The following GRB14 variants were observed in gnomAD, a reference collection of about 807,000 sequenced individuals.
GRB14 encodes the protein growth factor receptor bound protein 14, also known as growth factor receptor-bound protein 14.
In GRB14, 38 loss-of-function variants were observed where a neutral mutation model predicts 69.1. The observed-to-expected ratio is 0.55, with a 90% confidence interval of 0.42 to 0.72. The LOEUF is 0.72. Ranked by LOEUF, GRB14 falls within the 30% of genes least tolerant of loss-of-function variation. The pLI is 0.00. For synonymous variants in GRB14, 247 were observed against 241.3 expected, an observed-to-expected ratio of 1.02 and a Z score of -0.22; for missense variants, 666 against 666.1, an observed-to-expected ratio of 1.00 and a Z score of 0.00.
intron 6 of GRB14, among the ~76,000 whole-genome samples, chr2:164,512,639 T>G (rs1687369716): frequency 6.6e-6 from 1 of 152,190 alleles, no homozygotes; most frequent in South Asian, 2.1e-4. Context: ...AGCCAGGTAG[T>G]GGTTCATGAA....
At chr2:164,494,802 C>A (rs568071041) in intron 12 of GRB14, among the ~76,000 whole-genome samples, 1 of 152,260 alleles carries the variant, frequency 6.6e-6, no homozygotes, top group South Asian at 2.1e-4. Context: ...ACTGTTATGT[C>A]TGCATCAACA....
intron 12 of GRB14, among the ~76,000 whole-genome samples, chr2:164,495,338 C>A (rs774288523): frequency 7.2e-5 from 11 of 151,932 alleles, no homozygotes; most frequent in Non-Finnish European, 1.5e-4. Context: ...AGAAAGAAAT[C>A]AATATATTGT....
intron 2 of GRB14, among the ~76,000 whole-genome samples, chr2:164,577,445 C>T (rs780912578): frequency 1.3e-5 from 2 of 152,170 alleles, no homozygotes; most frequent in African/African-American, 2.4e-5. Context: ...CTCATGAGAT[C>T]TGGTTGTTTG....
At chr2:164,494,079 AG>A (rs1446393327) in intron 13 of GRB14, among the ~76,000 whole-genome samples, 1 of 152,216 alleles carries the variant, frequency 6.6e-6, no homozygotes, top group Non-Finnish European at 1.5e-5. Flanking sequence ...AGAAGAGAGG[AG>A]AAAAGGCTTT....
At chr2:164,566,397 A>G (rs1232521427) in intron 2 of GRB14, among the ~76,000 whole-genome samples, 1 of 152,174 alleles carries the variant, frequency 6.6e-6, no homozygotes, top group Non-Finnish European at 1.5e-5. Flanking sequence ...GCTAAATTAT[A>G]TAAACACCAA....
At chr2:164,597,758 A>G (rs1392621792) in intron 2 of GRB14, among the ~76,000 whole-genome samples, 1 of 152,032 alleles carries the variant, frequency 6.6e-6, no homozygotes, top group Non-Finnish European at 1.5e-5. Context: ...GGGAGGAGAC[A>G]AGGAAAGAGA....
chr2:164,548,384 GTA>G (rs1273787997), intron 2 of GRB14, among the ~76,000 whole-genome samples: 1 of 152,122 alleles, frequency 6.6e-6, no homozygotes, highest in Non-Finnish European at 1.5e-5. Flanking sequence ...GTGTGTATCT[GTA>G]TGTGTGTGTG....
At chr2:164,532,267 A>C (rs1687961402) in intron 3 of GRB14, among the ~76,000 whole-genome samples, 1 of 152,204 alleles carries the variant, frequency 6.6e-6, no homozygotes, top group Admixed American at 6.5e-5. Context: ...AAATAATAGA[A>C]GAATAACCTG....
In GRB14 at chr2:164,494,558, A is replaced by AT. The variant is rs201485702; in HGVS notation, c.1383-35dup. ...AGAGAAGGAATTTCAATGTTTCTAT[A>AT]TTTACTCATGGATTTCATAGAACTA... On this transcript the variant is annotated intron_variant, in intron 12 of 13. Transcript: ENST00000263915. 8.1e-5 allele frequency: 86 copies of AT among 1,055,410 alleles called. 1 individual carries two copies. In the East Asian group the frequency reaches 1.8e-3, roughly 21 times the overall value. 65.4% of individuals were successfully genotyped at this position (1,055,410 alleles called of 1,614,324 possible).
chr2:164,521,771 C>G (rs1687639814), intron 6 of GRB14, among the ~76,000 whole-genome samples: 1 of 152,002 alleles, frequency 6.6e-6, no homozygotes, highest in Non-Finnish European at 1.5e-5. Context: ...ATAAGAGTAT[C>G]CAGACTCCAT....
In GRB14 at chr2:164,493,093, G is replaced by T. The variant is rs928966147; in HGVS notation, c.1566C>A (p.Leu522=). Residue 522 remains leucine, a synonymous_variant, in exon 14 of 14, where the codon CTC becomes CTA. Transcript: ENST00000263915. ...DLIQLVEFYQ[L]NKGVLPCKLK... is the part of the protein sequence containing the mutation. ...ACTTGCAAGGAAGAACGCCCTTATT[G>T]AGTTGATAGAACTCCACCAGCTGTA... 3 of 1,613,504 alleles carry T rather than the reference G, an allele frequency of 1.9e-6. No individual in the cohort carries two copies. Among genetic ancestry groups the T allele is most frequent in the Admixed American group, 1.7e-5 (1 of 59,974 alleles).
At position 164,493,915 on chromosome 2, in the gene GRB14, G is replaced by A. The variant is rs3828190; in HGVS notation, c.1476+516C>T. 5.6e-4 allele frequency among the ~76,000 whole-genome samples: 85 copies of A among 152,056 alleles called. 3 individuals are homozygous for A. In the East Asian group the frequency reaches 0.015, roughly 27 times the overall value. On this transcript the variant is annotated intron_variant, in intron 13 of 13. Coordinates refer to ENST00000263915, the MANE Select transcript of GRB14 (RefSeq NM_004490.3). ...ACCCACACAGACACACAGCAGAAGAGGCAACAGAAATCCCAAAGCAAGTTG... is the reference window on the plus strand; with the variant it reads ...ACCCACACAGACACACAGCAGAAGAAGCAACAGAAATCCCAAAGCAAGTTG...
At chr2:164,504,441 C>A (rs543194878) in intron 8 of GRB14, among the ~76,000 whole-genome samples, 1 of 152,118 alleles carries the variant, frequency 6.6e-6, no homozygotes, top group Non-Finnish European at 1.5e-5. Context: ...ACAGGAGGAG[C>A]CCTGCTGACA....
At chr2:164,513,316 G>T (rs1687388682) in intron 6 of GRB14, among the ~76,000 whole-genome samples, 1 of 152,166 alleles carries the variant, frequency 6.6e-6, no homozygotes, top group Non-Finnish European at 1.5e-5. Flanking sequence ...CAAAAAATAT[G>T]CTCATGCCCT....
At chr2:164,515,784 G>A (rs1424537661) in intron 6 of GRB14, among the ~76,000 whole-genome samples, 2 of 137,814 alleles carry the variant, frequency 1.5e-5, no homozygotes, top group African/African-American at 5.5e-5. Context: ...CCAGAGAAAG[G>A]TGAAGTTCAA....
chr2:164,589,792 T>C (rs1689618715), intron 2 of GRB14, among the ~76,000 whole-genome samples: 1 of 152,160 alleles, frequency 6.6e-6, no homozygotes, highest in Admixed American at 6.5e-5. Flanking sequence ...CTTACTTCAC[T>C]TGGACCACTA....
intron 2 of GRB14, among the ~76,000 whole-genome samples, chr2:164,608,692 T>A (rs1690098492): frequency 6.6e-6 from 1 of 152,156 alleles, no homozygotes; most frequent in Non-Finnish European, 1.5e-5. Flanking sequence ...TGTGTTACTG[T>A]ACATTTTCAC....
chr2:164,515,771 G>T (rs1687466092), intron 6 of GRB14, among the ~76,000 whole-genome samples: 1 of 145,660 alleles, frequency 6.9e-6, no homozygotes, highest in South Asian at 2.2e-4. Flanking sequence ...CATCATGAAG[G>T]CACCAGAGAA....
chr2:164,586,504 A>G (rs1052728024), intron 2 of GRB14, among the ~76,000 whole-genome samples: 8 of 152,218 alleles, frequency 5.3e-5, no homozygotes, highest in Non-Finnish European at 1.0e-4. Context: ...ACCTTAAAAC[A>G]AACTCCAAGA....
Sources: gnomAD v4.1 joint callset for allele counts (sites outside exome capture counted in the v4.1 genomes callset) on GRCh38, gnomAD v4.1.1 for gene constraint, MANE v1.5 for transcripts, NCBI Gene and HGNC (gene_info 2026-07-23, HGNC 2026-07-21) for gene names.